The following PPP2R3A variants were observed in gnomAD, a reference collection of about 807,000 sequenced individuals.
PPP2R3A encodes the protein serine/threonine-protein phosphatase 2A regulatory subunit B'' subunit alpha.
Under a neutral mutation model 106.9 loss-of-function variants are expected in PPP2R3A, and 80 were observed. That is an observed-to-expected ratio of 0.75 (90% CI 0.62 to 0.90). The LOEUF (loss-of-function observed/expected upper bound fraction) is 0.90, where lower values mean the gene tolerates loss of function less well. Among genes scored for constraint, PPP2R3A ranks in the 40% least tolerant of loss-of-function variants. PPP2R3A has a pLI of 0.00. For synonymous variants in PPP2R3A, 483 were observed against 468.3 expected (o/e 1.03, Z -0.41); for missense variants, 1,386 against 1,350.4 (o/e 1.03, Z -0.41).
intron 3 of PPP2R3A, among the ~76,000 whole-genome samples, chr3:136,040,423 C>G (rs184338586): frequency 3.1e-4 from 47 of 152,120 alleles, no homozygotes; most frequent in Admixed American, 2.9e-3. Flanking sequence ...ACTTGTAATC[C>G]CAGCTACTCA....
In PPP2R3A at chr3:136,001,666, G is replaced by A; in HGVS notation, c.168G>A (p.Leu56=). Residue 56 remains leucine (L), a synonymous_variant, in exon 2 of 14, where the codon TTG becomes TTA. Transcript: ENST00000264977. ...VVHHSVCADL[L]HIPVSQFKDA... ...ACCATAGTGTTTGTGCAGACCTCTT[G>A]CACATCCCTGTGTCTCAGTTCAAAG... 6.2e-7 allele frequency: 1 copy of A among 1,614,078 alleles called. No individual in the cohort carries two copies. The highest frequency in any genetic ancestry group is 1.6e-4 in the Middle Eastern group (1 of 6,062).
At chr3:135,968,519 C>G (rs1246398144) in intron 1 of PPP2R3A, among the ~76,000 whole-genome samples, 1 of 152,096 alleles carries the variant, frequency 6.6e-6, no homozygotes, top group Non-Finnish European at 1.5e-5. Flanking sequence ...ACCCAGAAGC[C>G]AGGAACACGG....
intron 2 of PPP2R3A, among the ~76,000 whole-genome samples, chr3:136,024,906 C>T (rs1265583790): frequency 1.3e-5 from 2 of 152,096 alleles, no homozygotes; most frequent in African/African-American, 2.4e-5. Context: ...ACTTACGGGA[C>T]TGTGTAATAT....
rs1933606603 is a variant in PPP2R3A, at chr3:136,001,103, A to C, written c.-396A>C. 5.0e-6 allele frequency: 2 copies of C among 398,550 alleles called. No individual in the cohort carries two copies. The highest frequency in any genetic ancestry group is 7.2e-5 in the East Asian group (2 of 27,950). The allele number at this position is 398,550 out of a possible 1,614,324, so 24.7% of individuals were successfully genotyped here. A position where few individuals can be genotyped will look rare whatever the true frequency, so the allele number is the denominator to read the frequency against. Reference sequence around the variant, plus strand: ...AAAAATGAATCATTTAAACCTTTGGAGGACTCAGTTATCACAATACTTCTC... The same window carrying C: ...AAAAATGAATCATTTAAACCTTTGGCGGACTCAGTTATCACAATACTTCTC... On this transcript the variant is annotated 5_prime_UTR_variant, in exon 2 of 14. Coordinates refer to ENST00000264977, the MANE Select transcript of PPP2R3A (RefSeq NM_002718.5).
intron 6 of PPP2R3A, among the ~76,000 whole-genome samples, chr3:136,073,135 T>A (rs932079808): frequency 6.6e-6 from 1 of 151,978 alleles, no homozygotes; most frequent in African/African-American, 2.4e-5. Flanking sequence ...GCCCGGCTAA[T>A]TTTTTGTATT....
chr3:136,037,908 G>T (rs1935141684), intron 3 of PPP2R3A, among the ~76,000 whole-genome samples: 1 of 151,232 alleles, frequency 6.6e-6, no homozygotes, highest in Non-Finnish European at 1.5e-5. Flanking sequence ...CTGTATCTCT[G>T]TGTATACCCA....
intron 10 of PPP2R3A, 127 bp from the exon 11 acceptor site, chr3:136,101,876 AACTT>A (rs1489472061): frequency 9.8e-7 from 1 of 1,020,690 alleles, no homozygotes; most frequent in East Asian, 2.7e-5. Context: ...TTCTCTAACA[AACTT>A]TGTAAAACTA....
intron 5 of PPP2R3A, among the ~76,000 whole-genome samples, chr3:136,065,744 C>G (rs969984159): frequency 6.6e-6 from 1 of 152,208 alleles, no homozygotes; most frequent in Non-Finnish European, 1.5e-5. Flanking sequence ...GGCACCATCA[C>G]AGCTCAGTGC....
intron 13 of PPP2R3A, among the ~76,000 whole-genome samples, chr3:136,120,515 G>A (rs952256433): frequency 1.3e-5 from 2 of 152,084 alleles, no homozygotes; most frequent in Admixed American, 6.5e-5. Flanking sequence ...TTGAGCTTGG[G>A]AGGCGGAGGT....
chr3:136,138,671 G>T (rs1938719914), intron 13 of PPP2R3A, among the ~76,000 whole-genome samples: 1 of 132,504 alleles, frequency 7.5e-6, no homozygotes, highest in African/African-American at 2.8e-5. Context: ...AAGCATTATA[G>T]ACTCCAAACT....
rs201460707 is a variant in PPP2R3A at position 136,047,395 on chromosome 3, A to G, written c.2367-1864A>G. Among the ~76,000 whole-genome samples the G allele has an allele frequency of 1.8e-4, 27 of 152,368 alleles. No homozygotes were observed. The East Asian group carries it at 4.2e-3, about 24-fold the overall frequency. ...TTGCAAAGACATGGAATCAACATAC[A>G]TGCCCATCAATGGTGGACTGGATAA... is the stretch of plus-strand genomic sequence containing the variant. On this transcript the variant is annotated intron_variant, in intron 4 of 13. Transcript: ENST00000264977.
At chr3:135,995,157 C>G (rs1933334532) in intron 1 of PPP2R3A, among the ~76,000 whole-genome samples, 1 of 152,126 alleles carries the variant, frequency 6.6e-6, no homozygotes, top group Non-Finnish European at 1.5e-5. Context: ...CCAGCAGAGA[C>G]CAAAAGCCTG....
intron 9 of PPP2R3A, among the ~76,000 whole-genome samples, chr3:136,088,142 TCA>T (rs1937004630): frequency 6.6e-6 from 1 of 152,180 alleles, no homozygotes; most frequent in African/African-American, 2.4e-5. Context: ...TGCAGGTCTG[TCA>T]CATGGGAACA....
intron 13 of PPP2R3A, among the ~76,000 whole-genome samples, chr3:136,121,530 CA>C (rs1937998031): frequency 6.6e-6 from 1 of 152,084 alleles, no homozygotes; most frequent in African/African-American, 2.4e-5. Flanking sequence ...CACAACCCAG[CA>C]ACATGCAATT....
In PPP2R3A at chr3:136,026,918, T is replaced by TC; in HGVS notation, c.2086dup (p.His696ProfsTer4). The TC allele has an allele frequency of 6.2e-7, 1 of 1,613,508 alleles. No homozygotes were observed. Among genetic ancestry groups the TC allele is most frequent in the Non-Finnish European group, 8.5e-7 (1 of 1,179,510 alleles). On this transcript the variant is annotated frameshift_variant, in exon 3 of 14. Coordinates refer to ENST00000264977, the MANE Select transcript of PPP2R3A (RefSeq NM_002718.5). LOFTEE classifies it high-confidence loss of function. Reference sequence around the variant, plus strand: ...GTAGTCCCCGACCTCTCTCCCCGGTTCCCCATGTGAATAATGTTGTGAATG... The same window carrying TC: ...GTAGTCCCCGACCTCTCTCCCCGGTTCCCCCATGTGAATAATGTTGTGAATG...
intron 2 of PPP2R3A, 49 bp downstream of exon 2, chr3:136,003,542 G>C (rs376280668): frequency 6.7e-7 from 1 of 1,481,996 alleles, no homozygotes; most frequent in African/African-American, 1.4e-5. Flanking sequence ...AAAATGTTTA[G>C]TGTTTGAAAA....
At chr3:136,071,287 T>C (rs1271995854) in intron 6 of PPP2R3A, among the ~76,000 whole-genome samples, 3 of 152,256 alleles carry the variant, frequency 2.0e-5, no homozygotes, top group Admixed American at 6.5e-5. Context: ...CCTCCTATAC[T>C]TAGGGTACAG....
intron 4 of PPP2R3A, among the ~76,000 whole-genome samples, chr3:136,046,954 T>C (rs938342074): frequency 3.9e-5 from 6 of 152,086 alleles, no homozygotes; most frequent in Non-Finnish European, 7.4e-5. Context: ...ATAATACAAC[T>C]AGAAGCATTA....
chr3:136,112,353 G>A (rs1268789764), intron 13 of PPP2R3A, among the ~76,000 whole-genome samples: 1 of 152,132 alleles, frequency 6.6e-6, no homozygotes, highest in Non-Finnish European at 1.5e-5. Flanking sequence ...CAAGCTATCC[G>A]TCTTTGCAGA....
Sources: gnomAD v4.1 joint callset for allele counts (sites outside exome capture counted in the v4.1 genomes callset) on GRCh38, gnomAD v4.1.1 for gene constraint, MANE v1.5 for transcripts, NCBI Gene and HGNC (gene_info 2026-07-23, HGNC 2026-07-21) for gene names.